Variants in FERMT2 observed in about 807,000 individuals in gnomAD.
FERMT2 encodes fermitin family homolog 2.
In FERMT2, 15 loss-of-function variants were observed where a neutral mutation model predicts 82.7. The ratio of observed to expected loss-of-function variants is 0.18; its 90% CI spans 0.12 to 0.28. The LOEUF (loss-of-function observed/expected upper bound fraction) is 0.28, where lower values mean the gene tolerates loss of function less well. Ranked by LOEUF, FERMT2 falls within the 10% of genes least tolerant of loss-of-function variation. The pLI is 1.00. For missense variants in FERMT2, 645 were observed against 809.4 expected (o/e 0.80, Z 2.46); for synonymous variants, 274 against 271.5 (o/e 1.01, Z -0.09).
intron 14 of FERMT2, 199 bp from the exon 15 acceptor site, chr14:52,858,749 T>TTAAG (rs1378252628): frequency 1.6e-5 from 8 of 499,972 alleles, no homozygotes; most frequent in Non-Finnish European, 2.5e-5. Flanking sequence ...CCCCTACACT[T>TTAAG]TAAGTTTTCA....
chr14:52,905,185 T>C, intron 3 of FERMT2, among the ~76,000 whole-genome samples: 1 of 71,160 alleles, frequency 1.4e-5, no homozygotes. Flanking sequence ...CGAGACTCCA[T>C]CTCAAAAAAA....
chr14:52,913,971 G>A (rs189707346), intron 3 of FERMT2, among the ~76,000 whole-genome samples: 1 of 152,144 alleles, frequency 6.6e-6, no homozygotes, highest in East Asian at 1.9e-4. Flanking sequence ...ACATAGGTAG[G>A]TTCTTGTCTG....
Position 52,864,336 on chromosome 14 carries a change from C to A in FERMT2, c.1602+65G>T, listed in dbSNP as rs1417688830. The A allele has an allele frequency of 8.8e-6, 11 of 1,256,280 alleles. No individual in the cohort carries two copies. The East Asian group carries it at 1.6e-4, about 19-fold the overall frequency. The allele number at this position is 1,256,280 out of a possible 1,614,324, so 77.8% of individuals were successfully genotyped here. A position where few individuals can be genotyped will look rare whatever the true frequency, so the allele number is the denominator to read the frequency against. On this transcript the variant is annotated intron_variant, in intron 12 of 14. Transcript: ENST00000341590. The stretch of plus-strand genomic sequence containing the variant: ...AAAGTTTTGTTTAAGAGGGGAAAAA[C>A]AAAGTTATGTACAAAATTATAAAAA...
intron 4 of FERMT2, among the ~76,000 whole-genome samples, chr14:52,888,538 T>C (rs1002622862): frequency 6.6e-6 from 1 of 152,230 alleles, no homozygotes; most frequent in Admixed American, 6.5e-5. Context: ...AGTAGCTTCT[T>C]GTCTTTTTGT....
At chr14:52,861,019 C>G in intron 12 of FERMT2, 1 of 1,521,926 alleles carries the variant, frequency 6.6e-7, no homozygotes, top group Non-Finnish European at 8.8e-7. Flanking sequence ...CTTACCAAAT[C>G]TCTTATATAG....
At chr14:52,877,432 C>T (rs779212340) in intron 7 of FERMT2, among the ~76,000 whole-genome samples, 34 of 152,154 alleles carry the variant, frequency 2.2e-4, no homozygotes, top group Non-Finnish European at 3.8e-4. Context: ...AAACACAATA[C>T]GGGATCCTAA....
intron 1 of FERMT2, 108 bp from the exon 2 acceptor site, chr14:52,950,685 G>A: frequency 8.8e-7 from 1 of 1,139,044 alleles, no homozygotes; most frequent in South Asian, 1.4e-5. Flanking sequence ...TGGAGGACCC[G>A]GGGCTTTCGG....
rs75589474 is a variant in FERMT2 at position 52,876,397 on chromosome 14, T to C, written c.964-1040A>G. ...AGTATATTAAGAGTCTGGTGAAGAA[T>C]TGGTCAAAAATACAGATCCTTAGGT... On this transcript the variant is annotated intron_variant, in intron 7 of 14. Coordinates refer to ENST00000341590, the MANE Select transcript of FERMT2 (RefSeq NM_006832.3). Among the ~76,000 whole-genome samples the C allele has an allele frequency of 7.7e-3, 1,166 of 152,286 alleles. 15 individuals are homozygous for C. The highest frequency in any genetic ancestry group is 0.027 in the African/African-American group (1,109 of 41,548).
intron 2 of FERMT2, among the ~76,000 whole-genome samples, chr14:52,945,968 C>T (rs554303539): frequency 6.8e-4 from 103 of 152,328 alleles, no homozygotes; most frequent in African/African-American, 2.4e-3. Flanking sequence ...CCTCCGCCTC[C>T]TGGGTTCGAG....
At chr14:52,909,662 C>T (rs964368506) in intron 3 of FERMT2, among the ~76,000 whole-genome samples, 1 of 152,144 alleles carries the variant, frequency 6.6e-6, no homozygotes, top group East Asian at 1.9e-4. Context: ...GTGGCGGGCA[C>T]ATGTAATCCC....
At chr14:52,909,088 G>A (rs151029218) in intron 3 of FERMT2, among the ~76,000 whole-genome samples, 1 of 152,274 alleles carries the variant, frequency 6.6e-6, no homozygotes, top group East Asian at 1.9e-4. Context: ...GGGGGCTTCT[G>A]GGATGTTCTG....
At chr14:52,916,826 G>A (rs1005222222) in intron 3 of FERMT2, among the ~76,000 whole-genome samples, 2 of 152,168 alleles carry the variant, frequency 1.3e-5, no homozygotes, top group Admixed American at 6.5e-5. Flanking sequence ...GCTCAACTTT[G>A]CTGTGAACCT....
chr14:52,892,164 T>C (rs1197033138), intron 4 of FERMT2, among the ~76,000 whole-genome samples: 1 of 55,472 alleles, frequency 1.8e-5, no homozygotes, highest in Non-Finnish European at 4.3e-5. Flanking sequence ...AGGCTGTTTT[T>C]TGTTTTTTTT....
At chr14:52,865,908 C>T (rs1281554179) in intron 10 of FERMT2, among the ~76,000 whole-genome samples, 2 of 152,176 alleles carry the variant, frequency 1.3e-5, no homozygotes, top group Non-Finnish European at 2.9e-5. Flanking sequence ...AGATTCCCCC[C>T]TGCCCTTTGT....
intron 14 of FERMT2, chr14:52,858,769 A>G (rs1159198889): frequency 2.2e-6 from 1 of 462,956 alleles, no homozygotes; most frequent in African/African-American, 1.9e-5. Context: ...ATGTTCTGAA[A>G]AGGAAGACTA....
chr14:52,875,322 C>A lies in FERMT2; in HGVS notation c.999G>T (p.Glu333Asp). The change falls in exon 8 of 15, where the codon GAG becomes GAT. Residue 333 changes from glutamate (E) to aspartate (D), a missense_variant. Physicochemically the swap from Glu to Asp is conservative, Grantham distance 45. Transcript: ENST00000341590. ...HINKLSIMTS[E>D]NHLNNSDKEV... ...CTTTGTCACTGTTGTTCAAATGATT[C>A]TCTGATGTCATGATTGACAGCTTAT... 1.2e-6 allele frequency: 2 copies of A among 1,609,986 alleles called. No homozygotes were observed. Among genetic ancestry groups the A allele is most frequent in the Non-Finnish European group, 1.7e-6 (2 of 1,176,686 alleles).
rs542644162 is a variant in FERMT2, at chr14:52,864,085, G to C, written c.1602+316C>G. On this transcript the variant is annotated intron_variant, in intron 12 of 14. Coordinates refer to ENST00000341590, the MANE Select transcript of FERMT2 (RefSeq NM_006832.3). Reference sequence around the variant, plus strand: ...TGAGTATCCATTATCCAAAATTCTTGGGACCAGAAGTATTTTGGGTTTCAG... The same window carrying C: ...TGAGTATCCATTATCCAAAATTCTTCGGACCAGAAGTATTTTGGGTTTCAG... Among the ~76,000 whole-genome samples the C allele has an allele frequency of 4.0e-5, 6 of 151,866 alleles. No individual in the cohort carries two copies. The East Asian group carries it at 1.2e-3, about 29-fold the overall frequency.
chr14:52,859,128 G>A (rs1211001482), intron 14 of FERMT2: 1 of 157,496 alleles, frequency 6.3e-6, no homozygotes, highest in African/African-American at 2.4e-5. Flanking sequence ...AGTTTGAAAT[G>A]ATTCTGTAGT....
intron 3 of FERMT2, among the ~76,000 whole-genome samples, chr14:52,906,111 T>C (rs1215462266): frequency 6.6e-6 from 1 of 152,012 alleles, no homozygotes; most frequent in Non-Finnish European, 1.5e-5. Context: ...GAGGGGCGCA[T>C]GGGGCCTGGT....
Sources: gnomAD v4.1 joint callset for allele counts (sites outside exome capture counted in the v4.1 genomes callset) on GRCh38, gnomAD v4.1.1 for gene constraint, MANE v1.5 for transcripts, NCBI Gene and HGNC (gene_info 2026-07-23, HGNC 2026-07-21) for gene names.